The following CNBD1 variants were observed in gnomAD, a reference collection of about 807,000 sequenced individuals.
CNBD1 encodes cyclic nucleotide binding domain containing 1.
CNBD1 carries 71 observed loss-of-function variants against 54.4 expected under a neutral mutation model. The observed-to-expected ratio is 1.30, with a 90% CI of 1.08 to 1.59. The LOEUF (loss-of-function observed/expected upper bound fraction) is 1.59, where lower values mean the gene tolerates loss of function less well. CNBD1 is among the 40% of genes most tolerant of loss of function. The pLI is 0.00. For synonymous variants in CNBD1, 182 were observed against 170.7 expected, an observed-to-expected ratio of 1.07 and a Z score of -0.51; for missense variants, 659 against 518.0, an observed-to-expected ratio of 1.27 and a Z score of -2.64.
At chr8:87,034,515 AC>A (rs1809865308) in intron 4 of CNBD1, among the ~76,000 whole-genome samples, 1 of 152,220 alleles carries the variant, frequency 6.6e-6, no homozygotes, top group Admixed American at 6.5e-5. Context: ...AAAATTTAAT[AC>A]TGAATCTTTG....
In CNBD1 at chr8:87,278,061, T is replaced by C. The variant is rs139699583; in HGVS notation, c.772-6617T>C. ...AATGAAATTAATAACTCAATAGATGTAGTTATTAGCAGATTAGACACTGAA... is the reference window on the plus strand; with the variant it reads ...AATGAAATTAATAACTCAATAGATGCAGTTATTAGCAGATTAGACACTGAA... On this transcript the variant is annotated intron_variant, in intron 6 of 10. Coordinates refer to ENST00000518476, the MANE Select transcript of CNBD1 (RefSeq NM_173538.3). Among the ~76,000 whole-genome samples the C allele has an allele frequency of 2.6e-3, 387 of 151,626 alleles. 4 individuals are homozygous for C. The highest frequency in any genetic ancestry group is 0.01 in the Admixed American group (155 of 15,138).
intron 4 of CNBD1, among the ~76,000 whole-genome samples, chr8:87,157,526 A>T (rs1812766183): frequency 1.3e-5 from 2 of 152,192 alleles, no homozygotes; most frequent in Non-Finnish European, 2.9e-5. Context: ...ACATAGGGAC[A>T]CATTTGGTAT....
intron 6 of CNBD1, among the ~76,000 whole-genome samples, chr8:87,247,335 A>G (rs1563522775): frequency 6.6e-6 from 1 of 152,156 alleles, no homozygotes; most frequent in Non-Finnish European, 1.5e-5. Context: ...ACTCTTTTGA[A>G]AGCTGAGAGA....
At chr8:87,220,685 A>G (rs979173945) in intron 5 of CNBD1, among the ~76,000 whole-genome samples, 1 of 151,962 alleles carries the variant, frequency 6.6e-6, no homozygotes, top group Non-Finnish European at 1.5e-5. Context: ...TATTTTTGTC[A>G]TACAGATATG....
chr8:87,324,100 T>G (rs1286145987), intron 8 of CNBD1, among the ~76,000 whole-genome samples: 1 of 124,646 alleles, frequency 8.0e-6, no homozygotes, highest in Non-Finnish European at 1.8e-5. Flanking sequence ...TATGCTGGAT[T>G]ACATTTATTG....
At chr8:87,207,332 A>G (rs1340272009) in intron 5 of CNBD1, among the ~76,000 whole-genome samples, 1 of 152,146 alleles carries the variant, frequency 6.6e-6, no homozygotes, top group Non-Finnish European at 1.5e-5. Context: ...AATTCTAGAC[A>G]GTGATTAAAA....
intron 4 of CNBD1, among the ~76,000 whole-genome samples, chr8:87,045,829 C>CAGGACATT (rs1372232000): frequency 1.5e-4 from 22 of 151,252 alleles, no homozygotes; most frequent in Non-Finnish European, 2.9e-5. Flanking sequence ...ATCACGAGGT[C>CAGGACATT]AGGACATTGA....
chr8:87,364,839 T>A (rs966962647), intron 10 of CNBD1, among the ~76,000 whole-genome samples: 1 of 152,164 alleles, frequency 6.6e-6, no homozygotes, highest in Non-Finnish European at 1.5e-5. Context: ...TTTTTATGGC[T>A]GCATAGTATT....
intron 4 of CNBD1, among the ~76,000 whole-genome samples, chr8:87,016,455 GAA>G (rs199917855): frequency 1.9e-3 from 243 of 126,064 alleles, no homozygotes; most frequent in Middle Eastern, 4.4e-3. Flanking sequence ...AAAATTAAAT[GAA>G]AAAAAAAAAA....
At chr8:86,992,869 A>C (rs1808784666) in intron 4 of CNBD1, among the ~76,000 whole-genome samples, 1 of 152,030 alleles carries the variant, frequency 6.6e-6, no homozygotes, top group African/African-American at 2.4e-5. Context: ...TTCTCTCTAG[A>C]TGCCTTTAAG....
intron 8 of CNBD1, among the ~76,000 whole-genome samples, chr8:87,307,238 CAG>C (rs1380498942): frequency 1.3e-5 from 2 of 152,084 alleles, no homozygotes; most frequent in Non-Finnish European, 2.9e-5. Flanking sequence ...ATTGTATAAA[CAG>C]AATTTGGAAC....
At chr8:87,254,609 G>GTAACAAAGA (rs1807975430) in intron 6 of CNBD1, among the ~76,000 whole-genome samples, 1 of 152,126 alleles carries the variant, frequency 6.6e-6, no homozygotes, top group Admixed American at 6.6e-5. Context: ...TGACTTCACT[G>GTAACAAAGA]TAACAAAGAT....
intron 6 of CNBD1, among the ~76,000 whole-genome samples, chr8:87,257,215 A>C (rs367729919): frequency 0.28 from 42,275 of 151,232 alleles, 6,296 homozygotes; most frequent in African/African-American, 0.39. Flanking sequence ...CTAAAAATAA[A>C]AAAAATTAGC....
At chr8:87,026,163 C>T (rs182616153) in intron 4 of CNBD1, among the ~76,000 whole-genome samples, 1 of 152,234 alleles carries the variant, frequency 6.6e-6, no homozygotes, top group East Asian at 1.9e-4. Flanking sequence ...CAATAGCATA[C>T]AAATCAAAGA....
chr8:87,035,505 G>A (rs1809907871), intron 4 of CNBD1, among the ~76,000 whole-genome samples: 1 of 152,268 alleles, frequency 6.6e-6, no homozygotes, highest in South Asian at 2.1e-4. Context: ...GTATACATGT[G>A]CATAGCTTAA....
Position 87,150,888 on chromosome 8 carries a change from G to C in CNBD1, c.432-55105G>C, listed in dbSNP as rs764781194. Among the ~76,000 whole-genome samples the C allele has an allele frequency of 2.2e-4, 34 of 152,274 alleles. No homozygotes were observed. In the South Asian group the frequency reaches 2.9e-3, roughly 13 times the overall value. On this transcript the variant is annotated intron_variant, in intron 4 of 10. Coordinates refer to ENST00000518476, the MANE Select transcript of CNBD1 (RefSeq NM_173538.3). ...TTCTGGGTTGTAAAATAACAAAGAGGCTGGGGAAAAAATTACATCTCAAGA... is the reference window on the plus strand; with the variant it reads ...TTCTGGGTTGTAAAATAACAAAGAGCCTGGGGAAAAAATTACATCTCAAGA...
At chr8:87,048,218 G>T (rs1011435691) in intron 4 of CNBD1, among the ~76,000 whole-genome samples, 2 of 152,170 alleles carry the variant, frequency 1.3e-5, no homozygotes, top group African/African-American at 4.8e-5. Context: ...TTTCTTGGGG[G>T]TTCAGCTTCC....
intron 4 of CNBD1, among the ~76,000 whole-genome samples, chr8:87,173,091 A>G (rs1428216389): frequency 6.6e-5 from 10 of 152,176 alleles, no homozygotes; most frequent in Non-Finnish European, 8.8e-5. Flanking sequence ...CCTTATAACC[A>G]TTATTTTAAA....
chr8:87,025,493 A>G (rs1327673619), intron 4 of CNBD1, among the ~76,000 whole-genome samples: 1 of 152,172 alleles, frequency 6.6e-6, no homozygotes, highest in East Asian at 1.9e-4. Flanking sequence ...CGGACAGGTA[A>G]CCTTTAAGAG....
Sources: allele counts gnomAD v4.1 joint callset (sites outside exome capture counted in the v4.1 genomes callset), GRCh38; gene constraint gnomAD v4.1.1; transcripts MANE v1.5; gene names NCBI Gene and HGNC (gene_info 2026-07-23, HGNC 2026-07-21).